Variants in RC3H2 observed in about 807,000 individuals in gnomAD.
The protein encoded by RC3H2 is roquin-2.
A neutral mutation model predicts 133.3 loss-of-function variants in RC3H2; 31 were observed. The observed-to-expected ratio is 0.23, with a 90% CI of 0.17 to 0.31. The LOEUF (loss-of-function observed/expected upper bound fraction) is 0.31, where lower values mean the gene tolerates loss of function less well. Ranked by LOEUF, RC3H2 falls within the 10% of genes least tolerant of loss-of-function variation. RC3H2 has a pLI of 1.00. For missense variants in RC3H2, 1,175 were observed against 1,437.2 expected, an observed-to-expected ratio of 0.82 and a Z score of 2.95; for synonymous variants, 517 against 502.2, an observed-to-expected ratio of 1.03 and a Z score of -0.40.
chr9:122,885,580 AAC>A, intron 4 of RC3H2, among the ~76,000 whole-genome samples: 1 of 152,320 alleles, frequency 6.6e-6, no homozygotes, highest in South Asian at 2.1e-4. Flanking sequence ...AATCTAATAG[AAC>A]CAAGGACTTT....
At chr9:122,873,328 TAAG>T (rs936110137) in intron 9 of RC3H2, among the ~76,000 whole-genome samples, 1 of 152,164 alleles carries the variant, frequency 6.6e-6, no homozygotes, top group African/African-American at 2.4e-5. Context: ...TGGTTGGAAA[TAAG>T]AAGTAAGAAC....
chr9:122,852,073 A>C (rs1830046800), intron 18 of RC3H2, among the ~76,000 whole-genome samples: 1 of 138,930 alleles, frequency 7.2e-6, no homozygotes, highest in Non-Finnish European at 1.5e-5. Context: ...CCCGGCCGCC[A>C]TCACATCTAG....
chr9:122,893,624 G>A lies in RC3H2; in HGVS notation c.232-598C>T, dbSNP rs191695138. On this transcript the variant is annotated intron_variant, in intron 2 of 20. Coordinates refer to ENST00000357244, the MANE Select transcript of RC3H2 (RefSeq NM_001100588.3). ...CGATGCTAATTTCTTGGTGTTGGAT[G>A]TTAACATTAGGTTAAGCTGTGGAAA... is the stretch of plus-strand genomic sequence containing the variant. Among the ~76,000 whole-genome samples the A allele has an allele frequency of 8.5e-5, 13 of 152,312 alleles. No homozygotes were observed. In the East Asian group the frequency reaches 2.5e-3, roughly 29 times the overall value.
intron 9 of RC3H2, chr9:122,875,348 T>C (rs1041125967): frequency 1.3e-6 from 2 of 1,550,532 alleles, no homozygotes; most frequent in Non-Finnish European, 8.7e-7. Flanking sequence ...ACAATGAAGA[T>C]ATAGTCCACG....
chr9:122,867,713 G>A (rs199919087), intron 9 of RC3H2, among the ~76,000 whole-genome samples: 9,556 of 102,296 alleles, frequency 0.093, 1 homozygote, highest in East Asian at 0.42. Flanking sequence ...CTGCCTGGCC[G>A]CGACCCCGTC....
rs189500228 is a variant in RC3H2 at position 122,876,521 on chromosome 9, G to A, written c.1325+950C>T. Among the ~76,000 whole-genome samples the A allele has an allele frequency of 2.0e-4, 30 of 151,874 alleles. 1 individual carries two copies. In the Middle Eastern group the frequency reaches 0.01, roughly 52 times the overall value. On this transcript the variant is annotated intron_variant, in intron 9 of 20. Transcript: ENST00000357244. ...TGGGCGCCTGTGGTTCCAGCTACTC[G>A]GGAGGCTGAGGCAGGAGTATCGTTT...
At chr9:122,872,359 T>C (rs1263495226) in intron 9 of RC3H2, among the ~76,000 whole-genome samples, 1 of 152,216 alleles carries the variant, frequency 6.6e-6, no homozygotes, top group Non-Finnish European at 1.5e-5. Context: ...AACTCCCACC[T>C]GTGGACCAAT....
chr9:122,873,011 ATATT>A (rs1229568765), intron 9 of RC3H2, among the ~76,000 whole-genome samples: 2 of 152,236 alleles, frequency 1.3e-5, no homozygotes, highest in African/African-American at 4.8e-5. Flanking sequence ...TTTATTCTAC[ATATT>A]TATTTTATGT....
chr9:122,897,195 C>T, intron 2 of RC3H2, 84 bp downstream of exon 2: 1 of 1,221,300 alleles, frequency 8.2e-7, no homozygotes, highest in East Asian at 2.4e-5. Context: ...CACATGTAGC[C>T]TGCAGGCTGG....
chr9:122,903,552 C>T (rs1427352857), intron 1 of RC3H2, among the ~76,000 whole-genome samples: 1 of 152,304 alleles, frequency 6.6e-6, no homozygotes, highest in African/African-American at 2.4e-5. Flanking sequence ...TCTTACATGT[C>T]AGGTTACCAC....
intron 9 of RC3H2, among the ~76,000 whole-genome samples, chr9:122,872,830 C>T (rs565378839): frequency 1.3e-5 from 2 of 152,324 alleles, no homozygotes; most frequent in East Asian, 1.9e-4. Context: ...AAGTGATACA[C>T]CAGCCTTGGC....
intron 18 of RC3H2, among the ~76,000 whole-genome samples, chr9:122,853,172 G>A (rs1830114840): frequency 6.6e-6 from 1 of 151,872 alleles, no homozygotes; most frequent in Non-Finnish European, 1.5e-5. Flanking sequence ...TTAAACAGAT[G>A]CTTGAAGGCA....
At chr9:122,854,757 T>C (rs548730013) in intron 15 of RC3H2, 142 bp from the exon 16 acceptor site, 3 of 656,610 alleles carry the variant, frequency 4.6e-6, no homozygotes, top group African/African-American at 3.6e-5. Context: ...GAGTTTCCCA[T>C]GGTTGTTAAA....
intron 5 of RC3H2, among the ~76,000 whole-genome samples, chr9:122,882,316 G>A (rs1418958675): frequency 6.6e-6 from 1 of 152,130 alleles, no homozygotes; most frequent in Non-Finnish European, 1.5e-5. Flanking sequence ...TAGTGTCCAA[G>A]CCTCATTAGT....
chr9:122,869,738 T>G (rs1031534995), intron 9 of RC3H2, among the ~76,000 whole-genome samples: 1 of 151,860 alleles, frequency 6.6e-6, no homozygotes, highest in East Asian at 1.9e-4. Flanking sequence ...CCTGGCTAAT[T>G]TTTGTATTTT....
intron 9 of RC3H2, among the ~76,000 whole-genome samples, chr9:122,867,596 C>A (rs1313335638): frequency 8.1e-6 from 1 of 123,260 alleles, no homozygotes; most frequent in African/African-American, 3.0e-5. Context: ...TCTGCCCGGC[C>A]GCCATCCCAT....
chr9:122,876,499 G>C (rs1320886410), intron 9 of RC3H2, among the ~76,000 whole-genome samples: 1 of 151,818 alleles, frequency 6.6e-6, no homozygotes, highest in Non-Finnish European at 1.5e-5. Context: ...ATGGTGGTGG[G>C]CGCCTGTGGT....
In RC3H2 at chr9:122,875,270, T is replaced by G. The variant is rs1421788130; in HGVS notation, c.1325+2201A>C. Reference sequence around the variant, plus strand: ...TGCACACACACTTATCTTCTCTCTATCACAATGCTGCTGCTTGTAGAGCTC... The same window carrying G: ...TGCACACACACTTATCTTCTCTCTAGCACAATGCTGCTGCTTGTAGAGCTC... On this transcript the variant is annotated intron_variant, in intron 9 of 20. Transcript: ENST00000357244. 1.9e-6 allele frequency: 3 copies of G among 1,550,980 alleles called. No homozygotes were observed. In the Admixed American group the frequency reaches 5.9e-5, roughly 30 times the overall value.
chr9:122,865,936 T>G (rs1191874994), intron 9 of RC3H2, among the ~76,000 whole-genome samples: 1 of 152,108 alleles, frequency 6.6e-6, no homozygotes. Context: ...TGTCCAAGAA[T>G]GTATTCAAAA....
Sources: allele counts gnomAD v4.1 joint callset (sites outside exome capture counted in the v4.1 genomes callset), GRCh38; gene constraint gnomAD v4.1.1; transcripts MANE v1.5; gene names NCBI Gene and HGNC (gene_info 2026-07-23, HGNC 2026-07-21).